The following DNAH8 variants were observed in gnomAD, a reference collection of about 807,000 sequenced individuals.
The protein encoded by DNAH8 is axonemal beta dynein heavy chain 8.
Under a neutral mutation model 562.1 loss-of-function variants are expected in DNAH8, and 382 were observed. That is an observed-to-expected ratio of 0.68 (90% CI 0.63 to 0.74). The LOEUF (loss-of-function observed/expected upper bound fraction) is 0.74. DNAH8 is among the 30% of genes least tolerant of loss of function. DNAH8 has a pLI of 0.00. For missense variants in DNAH8, 5,203 were observed against 5,620.4 expected (o/e 0.93, Z 2.37); for synonymous variants, 1,881 against 1,919.4 (o/e 0.98, Z 0.52).
At position 38,814,095 on chromosome 6, in the gene DNAH8, T is replaced by C. The variant is rs764655921; in HGVS notation, c.3299T>C (p.Ile1100Thr). The change falls in exon 25 of 93, where the codon ATA (isoleucine) becomes ACA (threonine). Residue 1100 changes from isoleucine (I) to threonine (T), a missense_variant. Ile to Thr is a moderately conservative substitution (Grantham distance 89). Coordinates refer to ENST00000327475, the MANE Select transcript of DNAH8 (RefSeq NM_001206927.2). ...RKQSEDIISF[I>T]KSEVHLAIPN... is the part of the protein sequence containing the mutation. The stretch of plus-strand genomic sequence containing the variant: ...CAGTCAGAAGATATTATTTCCTTTA[T>C]AAAAAGTGAAGTACATCTTGCAATT... The C allele has an allele frequency of 5.3e-5, 84 of 1,586,020 alleles. No individual in the cohort carries two copies. In the South Asian group the frequency reaches 8.7e-4, roughly 16 times the overall value.
Position 39,030,659 on chromosome 6 carries a change from A to G in DNAH8, c.*267A>G. ...AAAGATAAAACCCTGTTTGGATGTT[A>G]GAACACTTTGGAAGCTCTGAATTTT... On this transcript the variant is annotated 3_prime_UTR_variant, in exon 93 of 93. Coordinates refer to ENST00000327475, the MANE Select transcript of DNAH8 (RefSeq NM_001206927.2). 2.7e-6 allele frequency: 1 copy of G among 367,854 alleles called. No homozygotes were observed. Among genetic ancestry groups the G allele is most frequent in the Non-Finnish European group, 4.9e-6 (1 of 203,070 alleles). The allele number at this position is 367,854 out of a possible 1,614,324, so 22.8% of individuals were successfully genotyped here.
rs1775517968 is a variant in DNAH8, at chr6:38,848,883, A to G, written c.5199+82A>G. On this transcript the variant is annotated intron_variant, in intron 37 of 92. Transcript: ENST00000327475. ...TCTCTGTAAAAGTCTTCACAAAGAC[A>G]TATGGTCAAGGCTTGACTATGATGG... 95 of 1,394,770 alleles carry G rather than the reference A, an allele frequency of 6.8e-5. 1 individual carries two copies. In the South Asian group the frequency reaches 1.1e-3, roughly 16 times the overall value. 86.4% of individuals were successfully genotyped at this position (1,394,770 alleles called of 1,614,324 possible).
intron 62 of DNAH8, among the ~76,000 whole-genome samples, chr6:38,900,155 C>T (rs1779980542): frequency 6.6e-6 from 1 of 152,168 alleles, no homozygotes; most frequent in African/African-American, 2.4e-5. Context: ...TCATTACCCT[C>T]CCAAGGGTAA....
At chr6:38,945,260 T>C (rs1761300668) in intron 79 of DNAH8, among the ~76,000 whole-genome samples, 2 of 152,166 alleles carry the variant, frequency 1.3e-5, no homozygotes, top group African/African-American at 4.8e-5. Context: ...TATTTATACC[T>C]TATAAGATGG....
chr6:38,861,836 C>T (rs1776649895), intron 43 of DNAH8, among the ~76,000 whole-genome samples: 1 of 152,134 alleles, frequency 6.6e-6, no homozygotes, highest in Non-Finnish European at 1.5e-5. Flanking sequence ...CCAGCCTTAC[C>T]TGGTTTCTGT....
chr6:38,988,684 A>G (rs192366890), intron 87 of DNAH8, among the ~76,000 whole-genome samples: 1 of 152,074 alleles, frequency 6.6e-6, no homozygotes, highest in East Asian at 1.9e-4. Flanking sequence ...CCTATATTCC[A>G]TTATTCCCTT....
rs549297893 is a variant in DNAH8, at chr6:38,921,034, G to A, written c.10525-335G>A. Reference sequence around the variant, plus strand: ...GCCTCCAGAGTAGCTTGGACTACAGGTGCATGCCACCATACCTAGCTAATT... The same window carrying A: ...GCCTCCAGAGTAGCTTGGACTACAGATGCATGCCACCATACCTAGCTAATT... On this transcript the variant is annotated intron_variant, in intron 70 of 92. Transcript: ENST00000327475. Among the ~76,000 whole-genome samples, 59 of 152,166 alleles carry A rather than the reference G, an allele frequency of 3.9e-4. 2 individuals are homozygous for A. Among genetic ancestry groups the A allele is most frequent in the East Asian group, 9.7e-4 (5 of 5,170 alleles).
intron 88 of DNAH8, among the ~76,000 whole-genome samples, chr6:38,997,134 G>C (rs1254237654): frequency 6.6e-6 from 1 of 152,074 alleles, no homozygotes; most frequent in Admixed American, 6.5e-5. Flanking sequence ...TCTGGTTCCT[G>C]CTCAGGTGGT....
chr6:38,883,448 ATGT>A lies in DNAH8; in HGVS notation c.8130_8132del (p.Met2710_Phe2711delinsIle). ...CTTTTCATCTGCCACAGAACCAATG[ATGT>A]TTCAGGTGAAATCCATCATTTGCTG... On this transcript the variant is annotated inframe_deletion, in exon 55 of 93. Transcript: ENST00000327475. 6.2e-7 allele frequency: 1 copy of A among 1,607,026 alleles called. No individual in the cohort carries two copies.
chr6:38,929,445 C>T lies in DNAH8; in HGVS notation c.11119-66C>T, dbSNP rs951206032. On this transcript the variant is annotated intron_variant, in intron 74 of 92. Coordinates refer to ENST00000327475, the MANE Select transcript of DNAH8 (RefSeq NM_001206927.2). Reference sequence around the variant, plus strand: ...TTGATTACCTGTCCAACAAATCTCTCGGTTTCCCTTAGCAATGGGCACATT... The same window carrying T: ...TTGATTACCTGTCCAACAAATCTCTTGGTTTCCCTTAGCAATGGGCACATT... The T allele has an allele frequency of 3.4e-5, 48 of 1,410,228 alleles. No individual in the cohort carries two copies. The Admixed American group carries it at 7.2e-4, about 21-fold the overall frequency. 87.4% of individuals were successfully genotyped at this position (1,410,228 alleles called of 1,614,324 possible).
At position 38,862,449 on chromosome 6, in the gene DNAH8, A is replaced by T. The variant is rs767015181; in HGVS notation, c.6301A>T (p.Ile2101Phe). 5.0e-6 allele frequency: 8 copies of T among 1,606,246 alleles called. No individual in the cohort carries two copies. The South Asian group carries it at 9.0e-5, about 18-fold the overall frequency. The change falls in exon 44 of 93, where the codon ATT becomes TTT. Residue 2101 changes from isoleucine (I) to phenylalanine (F), a missense_variant. This residue lies in a region of DNAH8 where 2,176 missense variants were observed against 2,365.1 expected (regional missense o/e 0.92). Transcript: ENST00000327475. ...DQMDFRGLGR[I>F]FKGLAQSGSW... ...AATGGATTTCAGAGGCCTAGGAAGG[A>T]TTTTCAAAGGCAAGTGTCAAATAAT...
chr6:38,867,129 G>A (rs996287096), intron 47 of DNAH8, among the ~76,000 whole-genome samples: 2 of 152,142 alleles, frequency 1.3e-5, no homozygotes, highest in Non-Finnish European at 2.9e-5. Context: ...CCTGGTGGTT[G>A]ACATCTTGTA....
intron 9 of DNAH8, among the ~76,000 whole-genome samples, chr6:38,755,550 C>G (rs1765835796): frequency 6.6e-6 from 1 of 152,144 alleles, no homozygotes; most frequent in South Asian, 2.1e-4. Context: ...AGTCTGATTT[C>G]TATTTTAGCT....
In DNAH8 at chr6:38,722,852, G is replaced by A. The variant is rs757017842; in HGVS notation, c.43G>A (p.Glu15Lys). 4.4e-6 allele frequency: 7 copies of A among 1,609,186 alleles called. No individual in the cohort carries two copies. The highest frequency in any genetic ancestry group is 1.3e-5 in the African/African-American group (1 of 74,764). Residue 15 changes from glutamate (E) to lysine (K), a missense_variant, in exon 2 of 93, where the codon GAG becomes AAG. By Grantham distance (56) the Glu-to-Lys change is moderately conservative (BLOSUM62 1). Transcript: ENST00000327475. ...AGATGGCGCCCCTTCTGAGGGAGCA[G>A]AGGCTCCTCCCTCTACGGAAGAGGC... ...AEDGAPSEGA[E>K]APPSTEEAAP...
At chr6:38,818,256 T>C (rs1298773957) in intron 26 of DNAH8, among the ~76,000 whole-genome samples, 4 of 152,032 alleles carry the variant, frequency 2.6e-5, no homozygotes, top group Non-Finnish European at 5.9e-5. Context: ...GTCCAATGTT[T>C]GCCATTATTC....
intron 75 of DNAH8, among the ~76,000 whole-genome samples, chr6:38,930,850 C>G (rs545771104): frequency 6.6e-6 from 1 of 152,194 alleles, no homozygotes; most frequent in African/African-American, 2.4e-5. Flanking sequence ...ACCTTAGATA[C>G]CTGAAACTTG....
At chr6:38,914,512 T>C (rs558170995) in intron 67 of DNAH8, among the ~76,000 whole-genome samples, 20 of 148,516 alleles carry the variant, frequency 1.3e-4, no homozygotes, top group Non-Finnish European at 7.4e-5. Context: ...GCGATTCTCC[T>C]GCCTAATTTT....
At chr6:38,948,793 C>T (rs1761639978) in intron 80 of DNAH8, among the ~76,000 whole-genome samples, 1 of 152,184 alleles carries the variant, frequency 6.6e-6, no homozygotes, top group Non-Finnish European at 1.5e-5. Flanking sequence ...ACCTGAAGTC[C>T]TTTTCATGCT....
chr6:39,019,598 G>A (rs1766773653), intron 91 of DNAH8, among the ~76,000 whole-genome samples: 1 of 152,118 alleles, frequency 6.6e-6, no homozygotes, highest in Admixed American at 6.5e-5. Context: ...AGAGAGGGGG[G>A]CATTTGGATT....
Sources: allele counts gnomAD v4.1 joint callset (sites outside exome capture counted in the v4.1 genomes callset), GRCh38; gene constraint gnomAD v4.1.1; regional missense constraint gnomAD v4.1.1; transcripts MANE v1.5; gene names NCBI Gene and HGNC (gene_info 2026-07-23, HGNC 2026-07-21).